The following ESRRG variants were observed in gnomAD, a reference collection of about 807,000 sequenced individuals.
ESRRG encodes the protein estrogen related receptor gamma, also known as estrogen-related receptor gamma.
In ESRRG, 13 loss-of-function variants were observed where a neutral mutation model predicts 44.0. The observed-to-expected ratio is 0.30, with a 90% CI of 0.19 to 0.47. The LOEUF (loss-of-function observed/expected upper bound fraction) is 0.47. Ranked by LOEUF, ESRRG falls within the 20% of genes least tolerant of loss-of-function variation. The pLI, the probability that ESRRG is intolerant of heterozygous loss-of-function variation, is 1.00. For missense variants in ESRRG, 395 were observed against 580.6 expected, an observed-to-expected ratio of 0.68 and a Z score of 3.29; for synonymous variants, 215 against 214.6, an observed-to-expected ratio of 1.00 and a Z score of -0.02.
At chr1:216,816,590 A>G (rs1337903779) in intron 2 of ESRRG, among the ~76,000 whole-genome samples, 1 of 152,210 alleles carries the variant, frequency 6.6e-6, no homozygotes, top group Non-Finnish European at 1.5e-5. Context: ...TATCTGGAAT[A>G]GAGTTGCAAA....
intron 2 of ESRRG, among the ~76,000 whole-genome samples, chr1:216,858,223 G>T (rs1236960136): frequency 6.6e-6 from 1 of 151,416 alleles, no homozygotes; most frequent in South Asian, 2.1e-4. Flanking sequence ...GGATCACGAG[G>T]TCAGGAGATC....
At chr1:216,831,875 T>TAA (rs1246840441) in intron 2 of ESRRG, among the ~76,000 whole-genome samples, 1 of 152,172 alleles carries the variant, frequency 6.6e-6, no homozygotes, top group Non-Finnish European at 1.5e-5. Flanking sequence ...CACTTACATG[T>TAA]AAATATATAT....
intron 1 of ESRRG, among the ~76,000 whole-genome samples, chr1:216,972,057 T>G (rs1355956950): frequency 6.6e-6 from 1 of 151,432 alleles, no homozygotes; most frequent in Non-Finnish European, 1.5e-5. Flanking sequence ...ATTGGTAGAG[T>G]TTTTTTTTCT....
In ESRRG at chr1:216,707,434, G is replaced by T. The variant is rs1270416497; in HGVS notation, c.56+15810C>A. 2.0e-6 allele frequency: 3 copies of T among 1,535,592 alleles called. No individual in the cohort carries two copies. The South Asian group carries it at 3.6e-5, about 18-fold the overall frequency. ...CCAATCACATTCTCGCCACATTCAGGATCTAAATGCACAATTCCTAATTAC... is the reference window on the plus strand; with the variant it reads ...CCAATCACATTCTCGCCACATTCAGTATCTAAATGCACAATTCCTAATTAC... On this transcript the variant is annotated intron_variant, in intron 1 of 6. Coordinates refer to ENST00000408911, the MANE Select transcript of ESRRG (RefSeq NM_001438.4).
At chr1:216,882,317 C>T (rs1391782750) in intron 2 of ESRRG, among the ~76,000 whole-genome samples, 1 of 152,150 alleles carries the variant, frequency 6.6e-6, no homozygotes, top group Non-Finnish European at 1.5e-5. Context: ...CCTCCTGTGG[C>T]TCACCAGACT....
intron 2 of ESRRG, among the ~76,000 whole-genome samples, chr1:216,874,447 A>C (rs1415518795): frequency 6.6e-6 from 1 of 152,218 alleles, no homozygotes; most frequent in Non-Finnish European, 1.5e-5. Context: ...GAAGAATAAT[A>C]TAATAAATAC....
intron 1 of ESRRG, among the ~76,000 whole-genome samples, chr1:216,984,570 T>C (rs573839365): frequency 5.9e-5 from 9 of 152,196 alleles, no homozygotes; most frequent in Non-Finnish European, 1.3e-4. Context: ...CAAAGATTCT[T>C]TGTGCAGTAA....
chr1:216,540,700 A>C (rs924636182), intron 5 of ESRRG, among the ~76,000 whole-genome samples: 4 of 152,010 alleles, frequency 2.6e-5, no homozygotes, highest in African/African-American at 7.2e-5. Context: ...GCACTTGAGT[A>C]ACCGAAATAT....
intron 2 of ESRRG, among the ~76,000 whole-genome samples, chr1:216,846,161 T>A (rs1205594809): frequency 6.6e-6 from 1 of 152,180 alleles, no homozygotes; most frequent in Non-Finnish European, 1.5e-5. Flanking sequence ...TCTTTGGACA[T>A]CTTTACATGG....
intron 1 of ESRRG, among the ~76,000 whole-genome samples, chr1:216,966,424 C>T (rs889116877): frequency 1.3e-5 from 2 of 152,166 alleles, no homozygotes; most frequent in Non-Finnish European, 2.9e-5. Context: ...CTTATCTTCA[C>T]TATTCCCAAG....
At chr1:217,106,394 A>C (rs5011047) in intron 1 of ESRRG, among the ~76,000 whole-genome samples, 1 of 108,926 alleles carries the variant, frequency 9.2e-6, no homozygotes, top group Non-Finnish European at 1.9e-5. Context: ...TCACATATGC[A>C]CACACACACA....
intron 1 of ESRRG, among the ~76,000 whole-genome samples, chr1:217,081,074 G>T (rs928870437): frequency 7.2e-5 from 11 of 151,880 alleles, no homozygotes; most frequent in African/African-American, 2.4e-4. Flanking sequence ...GGTAGAGTTT[G>T]CTTTTTATAC....
chr1:216,946,046 T>C (rs2066001377), intron 1 of ESRRG, among the ~76,000 whole-genome samples: 1 of 152,234 alleles, frequency 6.6e-6, no homozygotes, highest in Admixed American at 6.5e-5. Flanking sequence ...ATTTACTAAA[T>C]GAATGAATTA....
chr1:217,136,125 G>A (rs988770281), intron 1 of ESRRG, among the ~76,000 whole-genome samples: 2 of 152,158 alleles, frequency 1.3e-5, no homozygotes, highest in Admixed American at 6.5e-5. Context: ...CCAACAACTG[G>A]CACTGGATGG....
chr1:216,733,957 C>T (rs924789052), intron 2 of ESRRG, among the ~76,000 whole-genome samples: 4 of 145,852 alleles, frequency 2.7e-5, no homozygotes, highest in South Asian at 2.2e-4. Flanking sequence ...CACTCCAGCC[C>T]GGTCAACAGA....
At chr1:217,073,537 T>C (rs1279286583) in intron 1 of ESRRG, among the ~76,000 whole-genome samples, 5 of 152,186 alleles carry the variant, frequency 3.3e-5, no homozygotes, top group Admixed American at 1.3e-4. Context: ...TCCTGTTCAA[T>C]AGCAGGAGAA....
At chr1:217,042,894 A>G (rs1233489551) in intron 1 of ESRRG, among the ~76,000 whole-genome samples, 1 of 152,072 alleles carries the variant, frequency 6.6e-6, no homozygotes, top group Non-Finnish European at 1.5e-5. Flanking sequence ...CCTAGTTCCT[A>G]GTGAAGAAAG....
chr1:217,136,980 C>T (rs1413609225), intron 1 of ESRRG, among the ~76,000 whole-genome samples: 1 of 152,174 alleles, frequency 6.6e-6, no homozygotes, highest in Non-Finnish European at 1.5e-5. Flanking sequence ...CGTTGCTCTG[C>T]TCCTCTTTGG....
At chr1:216,690,207 A>G (rs1300064051) in intron 1 of ESRRG, among the ~76,000 whole-genome samples, 1 of 152,020 alleles carries the variant, frequency 6.6e-6, no homozygotes, top group Non-Finnish European at 1.5e-5. Context: ...AAACAAATCA[A>G]CTGTCCATCA....
Sources: allele counts gnomAD v4.1 joint callset (sites outside exome capture counted in the v4.1 genomes callset), GRCh38; gene constraint gnomAD v4.1.1; transcripts MANE v1.5; gene names NCBI Gene and HGNC (gene_info 2026-07-23, HGNC 2026-07-21).